Variants in ARVCF observed in about 807,000 individuals in gnomAD.
ARVCF encodes the protein ARVCF delta catenin family member.
In ARVCF, 66 loss-of-function variants were observed where a neutral mutation model predicts 90.9. The ratio of observed to expected loss-of-function variants is 0.73; its 90% CI spans 0.60 to 0.89. The LOEUF (loss-of-function observed/expected upper bound fraction) is 0.89. Ranked by LOEUF, ARVCF falls within the 40% of genes least tolerant of loss-of-function variation. The pLI is 0.00. For missense variants in ARVCF, 1,469 were observed against 1,382.3 expected (o/e 1.06, Z -1.00); for synonymous variants, 653 against 603.4 (o/e 1.08, Z -1.21).
chr22:19,981,581 C>G lies in ARVCF; in HGVS notation c.526G>C (p.Ala176Pro). 1.2e-6 allele frequency: 2 copies of G among 1,606,006 alleles called. No individual in the cohort carries two copies. The highest frequency in any genetic ancestry group is 1.7e-6 in the Non-Finnish European group (2 of 1,178,978). Residue 176 changes from alanine (A) to proline (P), a missense_variant, in exon 5 of 20, where the codon GCC becomes CCC. Ala to Pro is a conservative substitution (Grantham distance 27, BLOSUM62 -1). Transcript: ENST00000263207. ...HFLLRGGGPV[A>P]TLSRAYLSSG... is the part of the protein sequence containing the mutation. Reference sequence around the variant, plus strand: ...CTGAGGTAGGCTCGAGAGAGTGTGGCCACTGGGCCACCACCACGCAGCAGG... The same window carrying G: ...CTGAGGTAGGCTCGAGAGAGTGTGGGCACTGGGCCACCACCACGCAGCAGG...
At chr22:19,973,450 C>G (rs1230113229) in intron 13 of ARVCF, 133 bp from the exon 14 acceptor site, 3 of 1,328,098 alleles carry the variant, frequency 2.3e-6, no homozygotes, top group East Asian at 5.1e-5. Context: ...GTCACAGGAG[C>G]CCCTGTGAGC....
chr22:19,978,195 A>C (rs1569157463), intron 7 of ARVCF, 120 bp from the exon 8 acceptor site: 2 of 836,890 alleles, frequency 2.4e-6, no homozygotes, highest in Non-Finnish European at 3.6e-6. Context: ...TCCTAGCACT[A>C]ATGGGAAAGG....
chr22:19,998,214 C>G (rs1944323188), intron 2 of ARVCF, among the ~76,000 whole-genome samples: 1 of 152,222 alleles, frequency 6.6e-6, no homozygotes, highest in Non-Finnish European at 1.5e-5. Context: ...CCTGAGTGCA[C>G]AGGGCCGTCC....
Position 19,977,773 on chromosome 22 carries a change from G to A in ARVCF, c.1698+185C>T, listed in dbSNP as rs539258190. The stretch of plus-strand genomic sequence containing the variant: ...ATGGGAGGAAGCCTCTGCCCTCACG[G>A]CACACCTTCTGCCTGCAGGACGGTG... On this transcript the variant is annotated intron_variant, in intron 8 of 19. Coordinates refer to ENST00000263207, the MANE Select transcript of ARVCF (RefSeq NM_001670.3). Among the ~76,000 whole-genome samples, 8 of 152,324 alleles carry A rather than the reference G, an allele frequency of 5.3e-5. No homozygotes were observed. In the South Asian group the frequency reaches 1.4e-3, roughly 28 times the overall value.
rs773231693 is a variant in ARVCF at position 19,979,712 on chromosome 22, G to A, written c.1396+31C>T. On this transcript the variant is annotated intron_variant, in intron 6 of 19. Transcript: ENST00000263207. ...TGAGCCTCACACTCTTCTCTTCCCA[G>A]GGGATGTGAGCATGGCCAGGTCCCA... 40 of 1,565,854 alleles carry A rather than the reference G, an allele frequency of 2.6e-5. No homozygotes were observed. In the African/African-American group the frequency reaches 3.5e-4, roughly 14 times the overall value.
intron 3 of ARVCF, among the ~76,000 whole-genome samples, chr22:19,989,329 G>A (rs1279766754): frequency 6.6e-6 from 1 of 152,090 alleles, no homozygotes; most frequent in Non-Finnish European, 1.5e-5. Flanking sequence ...ACTGGTGCTG[G>A]GCTGGGCCTT....
chr22:19,997,884 C>T (rs1944310791), intron 2 of ARVCF, among the ~76,000 whole-genome samples: 1 of 152,226 alleles, frequency 6.6e-6, no homozygotes, highest in African/African-American at 2.4e-5. Context: ...CGGGCACCCA[C>T]CCCGCAAGGT....
chr22:20,012,707 G>T (rs576464808), intron 1 of ARVCF, among the ~76,000 whole-genome samples: 1 of 152,384 alleles, frequency 6.6e-6, no homozygotes, highest in Non-Finnish European at 1.5e-5. Context: ...TGGCCATGGG[G>T]CTCTGTCAGC....
intron 18 of ARVCF, 53 bp from the exon 19 acceptor site, chr22:19,971,388 T>TGC: frequency 6.6e-7 from 1 of 1,519,390 alleles, no homozygotes; most frequent in Non-Finnish European, 8.8e-7. Flanking sequence ...TAGTTAGAGC[T>TGC]CCTGGGGGGA....
intron 3 of ARVCF, 78 bp downstream of exon 3, chr22:19,990,507 G>A: frequency 6.8e-7 from 1 of 1,476,446 alleles, no homozygotes; most frequent in Non-Finnish European, 9.2e-7. Context: ...AGCGCATGCT[G>A]GCTTGTGGTC....
At chr22:19,995,206 T>A (rs1165907564) in intron 2 of ARVCF, among the ~76,000 whole-genome samples, 2 of 148,626 alleles carry the variant, frequency 1.3e-5, no homozygotes, top group Admixed American at 1.3e-4. Flanking sequence ...TGAGGGGAGA[T>A]GAGAGGATGG....
At chr22:19,974,388 CAT>C in intron 11 of ARVCF, 149 bp from the exon 12 acceptor site, 1 of 950,248 alleles carries the variant, frequency 1.1e-6, no homozygotes, top group Non-Finnish European at 1.5e-6. Context: ...TTACTATCAA[CAT>C]ATAGTCACCC....
At chr22:20,003,958 A>G (rs995476399) in intron 2 of ARVCF, among the ~76,000 whole-genome samples, 3 of 152,222 alleles carry the variant, frequency 2.0e-5, no homozygotes, top group African/African-American at 7.2e-5. Flanking sequence ...CCTTATATAA[A>G]ACCGTAAAGA....
intron 3 of ARVCF, among the ~76,000 whole-genome samples, chr22:19,984,920 G>T (rs1943685146): frequency 6.6e-6 from 1 of 152,198 alleles, no homozygotes; most frequent in Non-Finnish European, 1.5e-5. Flanking sequence ...TAGCCAGCTG[G>T]TGGCTCAGCT....
In ARVCF at chr22:19,979,953, C is replaced by T. The variant is rs1226464114; in HGVS notation, c.1186G>A (p.Val396Ile). The T allele has an allele frequency of 1.9e-6, 3 of 1,595,522 alleles. No homozygotes were observed. The highest frequency in any genetic ancestry group is 2.6e-6 in the Non-Finnish European group (3 of 1,171,852). ...CFENEGVKRR[V>I]RQLRGLPLLV... The stretch of plus-strand genomic sequence containing the variant: ...AGCGGCAGCCCCCGCAACTGCCGTA[C>T]ACGCCGCTTGACACCCTCGTTCTCA... Residue 396 changes from valine to isoleucine, a missense_variant, in exon 6 of 20, where the codon GTA (valine) becomes ATA (isoleucine). Transcript: ENST00000263207.
intron 2 of ARVCF, among the ~76,000 whole-genome samples, chr22:20,010,174 C>T (rs1378774856): frequency 1.3e-5 from 2 of 152,206 alleles, no homozygotes; most frequent in East Asian, 1.9e-4. Context: ...TGACCAGCAA[C>T]CTCGTCAGCC....
chr22:19,976,477 T>C (rs10427983), intron 10 of ARVCF, among the ~76,000 whole-genome samples: 8,660 of 152,210 alleles, frequency 0.057, 798 homozygotes, highest in African/African-American at 0.2. Context: ...TAGAGATAAG[T>C]ACCCCCGGGC....
At chr22:19,987,624 G>C (rs1004363271) in intron 3 of ARVCF, among the ~76,000 whole-genome samples, 5 of 152,110 alleles carry the variant, frequency 3.3e-5, no homozygotes, top group Non-Finnish European at 7.4e-5. Flanking sequence ...ACCTGGCTGC[G>C]ACTCAGTTTC....
chr22:19,990,095 C>G (rs1943968991), intron 3 of ARVCF, among the ~76,000 whole-genome samples: 2 of 152,176 alleles, frequency 1.3e-5, no homozygotes, highest in Admixed American at 1.3e-4. Context: ...ACACAGAAGG[C>G]TCTATACCTC....
Sources: allele counts gnomAD v4.1 joint callset (sites outside exome capture counted in the v4.1 genomes callset), GRCh38; gene constraint gnomAD v4.1.1; transcripts MANE v1.5; gene names NCBI Gene and HGNC (gene_info 2026-07-23, HGNC 2026-07-21).